Variants in RNLS observed in about 807,000 individuals in gnomAD.
The protein encoded by RNLS is renalase.
In RNLS, 39 loss-of-function variants were observed where a neutral mutation model predicts 39.8. That is an observed-to-expected ratio of 0.98 (90% CI 0.76 to 1.28). RNLS has a LOEUF of 1.28. RNLS is among the 50% of genes most tolerant of loss of function. RNLS has a pLI of 0.00. For synonymous variants in RNLS, 147 were observed against 150.7 expected (o/e 0.98, Z 0.18); for missense variants, 410 against 413.3 (o/e 0.99, Z 0.07).
At chr10:88,446,177 A>G (rs1448581050) in intron 4 of RNLS, among the ~76,000 whole-genome samples, 3 of 152,150 alleles carry the variant, frequency 2.0e-5, no homozygotes, top group African/African-American at 7.2e-5. Context: ...AAACCGCTCA[A>G]CTACATGGAA....
downstream of RNLS, among the ~76,000 whole-genome samples, chr10:88,272,822 A>C (rs2132578007): frequency 6.6e-6 from 1 of 152,250 alleles, no homozygotes; most frequent in South Asian, 2.1e-4. Flanking sequence ...TCCAAGTTGG[A>C]AGCTGCCTTG....
chr10:88,315,461 G>A (rs1845687796), intron 5 of RNLS, among the ~76,000 whole-genome samples: 1 of 152,166 alleles, frequency 6.6e-6, no homozygotes, highest in South Asian at 2.1e-4. Flanking sequence ...TTTGAATCAT[G>A]CAGAAGAGAA....
intron 5 of RNLS, among the ~76,000 whole-genome samples, chr10:88,333,088 C>T (rs1847228793): frequency 6.6e-6 from 1 of 152,010 alleles, no homozygotes; most frequent in Non-Finnish European, 1.5e-5. Flanking sequence ...TAAGTCAGTG[C>T]CTCCCACAGG....
chr10:88,332,288 A>G (rs961331861), intron 5 of RNLS, among the ~76,000 whole-genome samples: 1 of 152,382 alleles, frequency 6.6e-6, no homozygotes, highest in East Asian at 1.9e-4. Context: ...ATTTATAATC[A>G]TTCAACACAA....
chr10:88,179,667 A>G, the RNLS span, among the ~76,000 whole-genome samples: 1 of 152,248 alleles, frequency 6.6e-6, no homozygotes, highest in Admixed American at 6.5e-5. Context: ...GGTCAGAGAC[A>G]GGATTTGAAC....
At chr10:88,259,810 C>T in the RNLS span, among the ~76,000 whole-genome samples, 3 of 152,140 alleles carry the variant, frequency 2.0e-5, no homozygotes, top group Non-Finnish European at 4.4e-5. Flanking sequence ...GTGGCGTGAT[C>T]GTGGCTCACT....
chr10:88,229,917 G>A, the RNLS span, among the ~76,000 whole-genome samples: 1 of 152,054 alleles, frequency 6.6e-6, no homozygotes, highest in Admixed American at 6.5e-5. Context: ...TTTCTTGGTG[G>A]ATGGGCATTG....
At chr10:88,425,585 G>T (rs967430960) in intron 4 of RNLS, among the ~76,000 whole-genome samples, 1 of 151,982 alleles carries the variant, frequency 6.6e-6, no homozygotes, top group East Asian at 1.9e-4. Flanking sequence ...ATGATTTATT[G>T]GGTATTCCAC....
At chr10:88,339,639 G>A (rs1447189979) in intron 5 of RNLS, among the ~76,000 whole-genome samples, 3 of 152,170 alleles carry the variant, frequency 2.0e-5, no homozygotes, top group Non-Finnish European at 4.4e-5. Context: ...CAGTGACCAG[G>A]GACAAGCTGA....
intron 4 of RNLS, among the ~76,000 whole-genome samples, chr10:88,377,796 ATTTAT>A (rs1851136352): frequency 6.6e-6 from 1 of 152,154 alleles, no homozygotes; most frequent in African/African-American, 2.4e-5. Context: ...GCTACTCTAA[ATTTAT>A]TTTAACAAAT....
chr10:88,250,954 C>T, the RNLS span, among the ~76,000 whole-genome samples: 1 of 152,182 alleles, frequency 6.6e-6, no homozygotes, highest in Non-Finnish European at 1.5e-5. Context: ...GCACTTGAAA[C>T]TGTTAAATGT....
chr10:88,504,846 T>A (rs1269414474), intron 4 of RNLS, among the ~76,000 whole-genome samples: 2 of 142,442 alleles, frequency 1.4e-5, no homozygotes, highest in East Asian at 2.0e-4. Context: ...AGAGACAGAG[T>A]GTGTGTGTGT....
At chr10:88,228,444 C>T in the RNLS span, among the ~76,000 whole-genome samples, 3,588 of 152,274 alleles carry the variant, frequency 0.024, 115 homozygotes, top group African/African-American at 0.082. Flanking sequence ...GAACCCACTT[C>T]ACATTTCTCT....
chr10:88,511,575 G>T (rs2134156697), intron 4 of RNLS, among the ~76,000 whole-genome samples: 1 of 152,176 alleles, frequency 6.6e-6, no homozygotes, highest in South Asian at 2.1e-4. Context: ...ATGGGGAAGG[G>T]TAAAGAAAAT....
intron 4 of RNLS, among the ~76,000 whole-genome samples, chr10:88,435,565 G>A (rs1439371984): frequency 6.6e-6 from 1 of 152,070 alleles, no homozygotes; most frequent in Non-Finnish European, 1.5e-5. Flanking sequence ...GGTAGCAGAG[G>A]TATAAAATAA....
intron 4 of RNLS, among the ~76,000 whole-genome samples, chr10:88,402,870 A>G (rs1830502628): frequency 6.6e-6 from 1 of 152,096 alleles, no homozygotes; most frequent in Admixed American, 6.6e-5. Context: ...CTTTAGAAAC[A>G]TTCTAGCGAA....
At chr10:88,556,646 C>T (rs1848891264) in intron 4 of RNLS, among the ~76,000 whole-genome samples, 1 of 152,134 alleles carries the variant, frequency 6.6e-6, no homozygotes, top group East Asian at 1.9e-4. Context: ...GACAGCCACA[C>T]TGGCTGCCTT....
chr10:88,468,462 A>T (rs959810572), intron 4 of RNLS, among the ~76,000 whole-genome samples: 1 of 152,152 alleles, frequency 6.6e-6, no homozygotes, highest in Non-Finnish European at 1.5e-5. Context: ...ATGATTTATA[A>T]TAAAACTGAC....
At chr10:88,570,406 T>C (rs889644965) in intron 4 of RNLS, among the ~76,000 whole-genome samples, 1 of 152,240 alleles carries the variant, frequency 6.6e-6, no homozygotes, top group Non-Finnish European at 1.5e-5. Flanking sequence ...GTGAAGTTTT[T>C]CCTTAGGTCT....
Sources: gnomAD v4.1 joint callset for allele counts (sites outside exome capture counted in the v4.1 genomes callset) on GRCh38, gnomAD v4.1.1 for gene constraint, MANE v1.5 for transcripts, NCBI Gene and HGNC (gene_info 2026-07-23, HGNC 2026-07-21) for gene names.